TEKT3: variants seen among roughly 807,000 people sequenced by gnomAD.
The protein encoded by TEKT3 is tektin 3.
TEKT3 carries 49 observed loss-of-function variants against 49.8 expected under a neutral mutation model. The observed-to-expected ratio is 0.98, with a 90% confidence interval of 0.78 to 1.25. TEKT3 has a LOEUF of 1.25. Ranked by LOEUF, TEKT3 falls within the 50% of genes most tolerant of loss-of-function variation. The pLI, the probability that TEKT3 is intolerant of heterozygous loss-of-function variation, is 0.00. For missense variants in TEKT3, 595 were observed against 629.5 expected, an observed-to-expected ratio of 0.95 and a Z score of 0.59; for synonymous variants, 225 against 237.2, an observed-to-expected ratio of 0.95 and a Z score of 0.47.
At chr17:15,325,958 G>C (rs1331223907) in intron 4 of TEKT3, among the ~76,000 whole-genome samples, 1 of 152,174 alleles carries the variant, frequency 6.6e-6, no homozygotes, top group Non-Finnish European at 1.5e-5. Context: ...AACCACTCCT[G>C]TCCGGCAATA....
chr17:15,312,495 G>C lies in TEKT3; in HGVS notation c.879-14C>G. 6.2e-7 allele frequency: 1 copy of C among 1,611,252 alleles called. No homozygotes were observed. Among genetic ancestry groups the C allele is most frequent in the East Asian group, 2.2e-5 (1 of 44,868 alleles). On this transcript the variant is annotated splice_polypyrimidine_tract_variant and intron_variant, in intron 6 of 8. Transcript: ENST00000395930. ...GGCACTGAGACACTGAAAAAGAGAA[G>C]CAGAAGCAGACAACAGTGAGAGTGA...
chr17:15,316,507 T>C (rs1025871720), intron 5 of TEKT3, among the ~76,000 whole-genome samples: 4 of 152,210 alleles, frequency 2.6e-5, no homozygotes, highest in African/African-American at 9.6e-5. Context: ...GGTTGCTTAG[T>C]GGTTACAATG....
At chr17:15,309,709 A>G (rs1910691432) in intron 7 of TEKT3, among the ~76,000 whole-genome samples, 1 of 151,986 alleles carries the variant, frequency 6.6e-6, no homozygotes, top group African/African-American at 2.4e-5. Context: ...GTATTCAACC[A>G]TGGCTGTGCC....
At chr17:15,306,714 G>T (rs988944745) in intron 8 of TEKT3, 7 of 151,982 alleles carry the variant, frequency 4.6e-5, no homozygotes, top group African/African-American at 1.7e-4. Context: ...CAATTTATTT[G>T]TTCCCATCTC....
At chr17:15,312,857 A>AAT (rs1910830689) in intron 6 of TEKT3, among the ~76,000 whole-genome samples, 1 of 152,206 alleles carries the variant, frequency 6.6e-6, no homozygotes, top group South Asian at 2.1e-4. Flanking sequence ...CTACTAAGGA[A>AAT]ATATTAGCAG....
At position 15,331,416 on chromosome 17, in the gene TEKT3, T is replaced by C. The variant is rs775729920; in HGVS notation, c.170A>G (p.Lys57Arg). 10 of 1,613,870 alleles carry C rather than the reference T, an allele frequency of 6.2e-6. No individual in the cohort carries two copies. The South Asian group carries it at 7.7e-5, about 12-fold the overall frequency. Residue 57 changes from lysine to arginine, a missense_variant, in exon 3 of 9, where the codon AAA (lysine) becomes AGA (arginine). Lys to Arg is a conservative substitution (Grantham distance 26). Transcript: ENST00000395930. ...SLPWRPSTYY[K>R]VASNSPSVAP... ...CACGCTTGGGGAATTGGAGGCGACTTTGTAGTATGTGCTGGGTCTCCAAGG... is the reference window on the plus strand; with the variant it reads ...CACGCTTGGGGAATTGGAGGCGACTCTGTAGTATGTGCTGGGTCTCCAAGG...
At chr17:15,341,203 G>C (rs903191752) in intron 1 of TEKT3, among the ~76,000 whole-genome samples, 44 of 152,176 alleles carry the variant, frequency 2.9e-4, no homozygotes, top group African/African-American at 1.1e-3. Context: ...CGCTGCTAAC[G>C]GGTAATTATT....
rs545727654 is a variant in TEKT3, at chr17:15,315,203, G to A, written c.735-973C>T. On this transcript the variant is annotated intron_variant, in intron 5 of 8. Transcript: ENST00000395930. Reference sequence around the variant, plus strand: ...GAAGAACAATGCTAAAAACAAAGCAGGAGAAAAGAGACCAGGACTGTGGTT... The same window carrying A: ...GAAGAACAATGCTAAAAACAAAGCAAGAGAAAAGAGACCAGGACTGTGGTT... 2.0e-5 allele frequency among the ~76,000 whole-genome samples: 3 copies of A among 152,298 alleles called. No homozygotes were observed. In the East Asian group the frequency reaches 5.8e-4, roughly 29 times the overall value.
intron 4 of TEKT3, among the ~76,000 whole-genome samples, chr17:15,321,430 G>A (rs1398818934): frequency 6.6e-6 from 1 of 152,202 alleles, no homozygotes; most frequent in Non-Finnish European, 1.5e-5. Context: ...ACTGTCCCCA[G>A]TGCTAACTTA....
intron 4 of TEKT3, among the ~76,000 whole-genome samples, chr17:15,327,259 T>G (rs1009619699): frequency 1.3e-5 from 2 of 152,082 alleles, no homozygotes; most frequent in East Asian, 3.8e-4. Flanking sequence ...GGCTCAAGTC[T>G]GTAATCCCAG....
In TEKT3 at chr17:15,331,578, C is replaced by T. The variant is rs7226363; in HGVS notation, c.8G>A (p.Arg3His). 360,417 of 1,608,672 alleles carry T rather than the reference C, an allele frequency of 0.22. 41,090 individuals are homozygous for T. The highest frequency in any genetic ancestry group is 0.26 in the East Asian group (11,689 of 44,776). Residue 3 changes from arginine (R) to histidine (H), a missense_variant, in exon 3 of 9, where the codon CGT becomes CAT. Transcript: ENST00000395930. ME[R>H]VGCTLTTTYA... ...AGTTGTCGTTAAAGTACAACCTACA[C>T]GTTCCATGATGCCAAAACACTATTT...
At chr17:15,310,516 G>T (rs1309681961) in intron 7 of TEKT3, among the ~76,000 whole-genome samples, 1 of 152,114 alleles carries the variant, frequency 6.6e-6, no homozygotes, top group South Asian at 2.1e-4. Context: ...CACACAGAGG[G>T]AAAATGATGT....
At position 15,304,199 on chromosome 17, in the gene TEKT3, G is replaced by A. The variant is rs780288863; in HGVS notation, c.1257-47C>T. 3.2e-6 allele frequency: 5 copies of A among 1,585,122 alleles called. No homozygotes were observed. Among genetic ancestry groups the A allele is most frequent in the African/African-American group, 2.7e-5 (2 of 74,358 alleles). On this transcript the variant is annotated intron_variant, in intron 8 of 8. Coordinates refer to ENST00000395930, the MANE Select transcript of TEKT3 (RefSeq NM_031898.3). This position sits in a 1 kb window ranked among gnomAD's most constrained non-coding sequence, Gnocchi z 4.7. The stretch of plus-strand genomic sequence containing the variant: ...ATGGTTAGGTCAGCATGTAGCTTAC[G>A]CAACTCCAAGTACATCACATTGTAA...
At chr17:15,327,017 C>A (rs1480789778) in intron 4 of TEKT3, among the ~76,000 whole-genome samples, 1 of 151,976 alleles carries the variant, frequency 6.6e-6, no homozygotes, top group African/African-American at 2.4e-5. Context: ...TTACACTTCC[C>A]AAAATATATT....
rs147462413 is a variant in TEKT3 at position 15,322,066 on chromosome 17, C to A, written c.664-2919G>T. ...GAGTGTGGAATGATGAATAGTGGGA[C>A]TCAAAGGAGGGGAGGGAGGAGGGTG... On this transcript the variant is annotated intron_variant, in intron 4 of 8. Transcript: ENST00000395930. 8.0e-3 allele frequency among the ~76,000 whole-genome samples: 1,216 copies of A among 152,006 alleles called. 10 individuals are homozygous for A. The highest frequency in any genetic ancestry group is 0.028 in the African/African-American group (1,155 of 41,434).
rs527849894 is a variant in TEKT3 at position 15,331,434 on chromosome 17, C to A, written c.152G>T (p.Arg51Ile). 4.7e-5 allele frequency: 76 copies of A among 1,614,064 alleles called. 2 individuals carry two copies. In the South Asian group the frequency reaches 8.3e-4, roughly 18 times the overall value. Residue 51 changes from arginine (R) to isoleucine (I), a missense_variant, in exon 3 of 9, where the codon AGA (arginine) becomes ATA (isoleucine). Arg to Ile is a moderately conservative substitution (Grantham distance 97, BLOSUM62 -3). Coordinates refer to ENST00000395930, the MANE Select transcript of TEKT3 (RefSeq NM_031898.3). The stretch of plus-strand genomic sequence containing the variant: ...GGCGACTTTGTAGTATGTGCTGGGT[C>A]TCCAAGGAAGGCTCAGGCTATGGGT... Reference protein sequence around the residue: ...NLTHSLSLPWRPSTYYKVASN... With the variant: ...NLTHSLSLPWIPSTYYKVASN...
intron 8 of TEKT3, among the ~76,000 whole-genome samples, chr17:15,308,117 G>T (rs1361354330): frequency 6.6e-6 from 1 of 152,150 alleles, no homozygotes; most frequent in Non-Finnish European, 1.5e-5. Flanking sequence ...GAGATCCTCA[G>T]TCACAAAGAC....
At chr17:15,305,942 C>T (rs1910526417) in intron 8 of TEKT3, among the ~76,000 whole-genome samples, 2 of 152,122 alleles carry the variant, frequency 1.3e-5, no homozygotes, top group Admixed American at 1.3e-4. Context: ...CTATTTCACT[C>T]CCAGTTTCCT....
rs1910637885 is a variant in TEKT3 at position 15,308,663 on chromosome 17, C to T, written c.1256+1G>A. On this transcript the variant is annotated splice_donor_variant, in intron 8 of 8. Transcript: ENST00000395930. LOFTEE classifies it high-confidence loss of function. ...CCCCGAGCCTTCCCCTCCCACCTTA[C>T]CGTAGCTGAGCCATGTCTCGGCACA... 2.5e-6 allele frequency: 4 copies of T among 1,604,580 alleles called. No individual in the cohort carries two copies. In the South Asian group the frequency reaches 3.3e-5, roughly 13 times the overall value.
Sources: allele counts gnomAD v4.1 joint callset (sites outside exome capture counted in the v4.1 genomes callset), GRCh38; gene constraint gnomAD v4.1.1; non-coding constraint Gnocchi (gnomAD v3.1); transcripts MANE v1.5; gene names NCBI Gene and HGNC (gene_info 2026-07-23, HGNC 2026-07-21).